The following GLIS3 variants were observed in gnomAD, a reference collection of about 807,000 sequenced individuals.
GLIS3 encodes zinc finger protein GLIS3.
In GLIS3, 53 loss-of-function variants were observed where a neutral mutation model predicts 78.6. The observed-to-expected ratio is 0.67, with a 90% CI of 0.54 to 0.85. The LOEUF is 0.85. GLIS3 is among the 40% of genes least tolerant of loss of function. GLIS3 has a pLI of 0.00. For synonymous variants in GLIS3, 684 were observed against 509.9 expected (o/e 1.34, Z -4.60); for missense variants, 1,703 against 1,231.1 (o/e 1.38, Z -5.74).
At chr9:4,193,127 G>A (rs1445262472) in intron 2 of GLIS3, among the ~76,000 whole-genome samples, 4 of 152,176 alleles carry the variant, frequency 2.6e-5, no homozygotes, top group Admixed American at 2.6e-4. Flanking sequence ...ATTTTACTTA[G>A]CTAATTCTGG....
the GLIS3 span, among the ~76,000 whole-genome samples, chr9:4,479,544 T>C: frequency 6.6e-6 from 1 of 152,198 alleles, no homozygotes; most frequent in Admixed American, 6.5e-5. Context: ...AGAGGTTCCC[T>C]AGACTCTAAG....
chr9:4,030,071 T>A (rs1823696807), intron 4 of GLIS3, among the ~76,000 whole-genome samples: 1 of 152,168 alleles, frequency 6.6e-6, no homozygotes, highest in Admixed American at 6.5e-5. Flanking sequence ...CAACAGTGTA[T>A]GAAGGGCCCT....
chr9:4,185,504 T>C (rs768083155), intron 2 of GLIS3, among the ~76,000 whole-genome samples: 2 of 152,192 alleles, frequency 1.3e-5, no homozygotes, highest in African/African-American at 2.4e-5. Flanking sequence ...TCTAAGAGCT[T>C]TATATTTTAA....
chr9:3,914,870 T>C (rs558582686), intron 6 of GLIS3, among the ~76,000 whole-genome samples: 1 of 152,336 alleles, frequency 6.6e-6, no homozygotes, highest in East Asian at 1.9e-4. Flanking sequence ...TCTTTAGCAC[T>C]GCCCCAAAGT....
At chr9:3,877,347 C>G (rs558088588) in intron 8 of GLIS3, among the ~76,000 whole-genome samples, 1 of 152,192 alleles carries the variant, frequency 6.6e-6, no homozygotes, top group Non-Finnish European at 1.5e-5. Context: ...TTATCATTTG[C>G]GCTGCTTTGC....
chr9:4,295,379 G>A (rs750348933), intron 1 of GLIS3, among the ~76,000 whole-genome samples: 32 of 152,078 alleles, frequency 2.1e-4, no homozygotes, highest in African/African-American at 7.5e-4. Context: ...TTTGGTTAGT[G>A]TTTTTCCTTA....
intron 6 of GLIS3, among the ~76,000 whole-genome samples, chr9:3,909,625 G>T (rs138253954): frequency 1.3e-5 from 2 of 152,182 alleles, no homozygotes; most frequent in Non-Finnish European, 2.9e-5. Context: ...ACGTGAATGG[G>T]TACACATGCT....
chr9:3,941,268 A>G (rs1180051942), intron 4 of GLIS3, among the ~76,000 whole-genome samples: 2 of 152,232 alleles, frequency 1.3e-5, no homozygotes. Context: ...TGGAAGAGGC[A>G]TCTCCATTCC....
chr9:4,186,361 G>A (rs544728786), intron 2 of GLIS3, among the ~76,000 whole-genome samples: 1 of 151,892 alleles, frequency 6.6e-6, no homozygotes, highest in Non-Finnish European at 1.5e-5. Flanking sequence ...GTATTCCATG[G>A]TGTATATGTG....
intron 7 of GLIS3, among the ~76,000 whole-genome samples, chr9:3,885,820 T>C (rs1003458174): frequency 1.3e-5 from 2 of 152,198 alleles, no homozygotes; most frequent in African/African-American, 4.8e-5. Flanking sequence ...TATAGAGACA[T>C]TGTCAGTGTG....
At chr9:4,070,648 G>A (rs12337254) in intron 4 of GLIS3, among the ~76,000 whole-genome samples, 17,304 of 151,978 alleles carry the variant, frequency 0.11, 2,204 homozygotes, top group African/African-American at 0.28. Context: ...TTTCTCTCTC[G>A]CATATCCAGG....
intron 4 of GLIS3, among the ~76,000 whole-genome samples, chr9:4,080,106 T>C (rs989842237): frequency 1.1e-4 from 17 of 152,266 alleles, no homozygotes; most frequent in Non-Finnish European, 2.1e-4. Flanking sequence ...ACTAACTATA[T>C]TGGAACCCCC....
chr9:4,240,666 G>C (rs867171915), intron 2 of GLIS3, among the ~76,000 whole-genome samples: 7 of 152,134 alleles, frequency 4.6e-5, no homozygotes, highest in Admixed American at 2.0e-4. Context: ...TCAAATACAA[G>C]TTGGAATCCT....
intron 2 of GLIS3, chr9:4,152,079 CAAGT>C: frequency 1.0e-6 from 1 of 955,550 alleles, no homozygotes; most frequent in Middle Eastern, 5.3e-4. Flanking sequence ...AGACAACAAA[CAAGT>C]AACACAATAT....
At chr9:4,244,617 C>T (rs989214344) in intron 2 of GLIS3, among the ~76,000 whole-genome samples, 10 of 152,026 alleles carry the variant, frequency 6.6e-5, no homozygotes, top group African/African-American at 2.4e-4. Flanking sequence ...TCTTGCCACC[C>T]AGGCTGGAAT....
At chr9:4,313,844 G>A (rs1043446910) in intron 2 of GLIS3, among the ~76,000 whole-genome samples, 3 of 152,220 alleles carry the variant, frequency 2.0e-5, no homozygotes, top group Admixed American at 6.5e-5. Context: ...GGAGGTAGGT[G>A]ATCAGCGTGC....
chr9:4,206,139 G>C (rs1333144403), intron 2 of GLIS3, among the ~76,000 whole-genome samples: 1 of 152,034 alleles, frequency 6.6e-6, no homozygotes, highest in East Asian at 1.9e-4. Flanking sequence ...CATGCTTTCT[G>C]GTCACTAGAT....
intron 9 of GLIS3, among the ~76,000 whole-genome samples, chr9:3,829,718 T>C (rs1332382233): frequency 6.6e-6 from 1 of 152,164 alleles, no homozygotes; most frequent in Non-Finnish European, 1.5e-5. Context: ...ATGTTTTTAT[T>C]ATGTGCTTTA....
At chr9:4,249,753 G>C (rs1824173368) in intron 2 of GLIS3, among the ~76,000 whole-genome samples, 1 of 152,128 alleles carries the variant, frequency 6.6e-6, no homozygotes, top group Non-Finnish European at 1.5e-5. Flanking sequence ...TTGACTGTGG[G>C]TTTGTCATAA....
Sources: gnomAD v4.1 joint callset for allele counts (sites outside exome capture counted in the v4.1 genomes callset) on GRCh38, gnomAD v4.1.1 for gene constraint, MANE v1.5 for transcripts, NCBI Gene and HGNC (gene_info 2026-07-23, HGNC 2026-07-21) for gene names.